The following F2R variants were observed in gnomAD, a reference collection of about 807,000 sequenced individuals.
The protein encoded by F2R is proteinase-activated receptor 1.
Under a neutral mutation model 18.3 loss-of-function variants are expected in F2R, and 12 were observed. The observed-to-expected ratio is 0.66, with a 90% confidence interval of 0.42 to 1.06. The LOEUF is 1.06. Ranked by LOEUF, F2R falls within the 50% of genes least tolerant of loss-of-function variation. The pLI is 0.00. For missense variants in F2R, 438 were observed against 530.8 expected (o/e 0.83, Z 1.72); for synonymous variants, 210 against 219.9 (o/e 0.95, Z 0.40).
At position 76,733,109 on chromosome 5, in the gene F2R, G is replaced by T; in HGVS notation, c.884G>T (p.Arg295Leu). The change falls in exon 2 of 2, where the codon CGA (arginine) becomes CTA (leucine). Residue 295 changes from arginine to leucine, a missense_variant. Arg to Leu is a moderately radical substitution (Grantham distance 102). Transcript: ENST00000319211. The stretch of plus-strand genomic sequence containing the variant: ...ACGGTCTGTTATGTGTCTATCATTC[G>T]ATGTCTTAGCTCTTCCGCAGTTGCC... ...ISTVCYVSIIRCLSSSAVANR... is the reference protein window; with the variant it reads ...ISTVCYVSIILCLSSSAVANR... 6.2e-7 allele frequency: 1 copy of T among 1,614,046 alleles called. No homozygotes were observed. Among genetic ancestry groups the T allele is most frequent in the Non-Finnish European group, 8.5e-7 (1 of 1,180,026 alleles).
chr5:76,716,729 C>T (rs759127622), intron 1 of F2R: 1 of 672,282 alleles, frequency 1.5e-6, no homozygotes, highest in Non-Finnish European at 2.7e-6. Flanking sequence ...AGGACCACCC[C>T]CAAAAAGAAA....
chr5:76,719,690 C>T (rs933216711), intron 1 of F2R, among the ~76,000 whole-genome samples: 1 of 152,148 alleles, frequency 6.6e-6, no homozygotes, highest in Non-Finnish European at 1.5e-5. Context: ...ATCTAGACTC[C>T]CAGCACCTCT....
chr5:76,728,219 A>G (rs1334577168), intron 1 of F2R, among the ~76,000 whole-genome samples: 1 of 152,198 alleles, frequency 6.6e-6, no homozygotes, highest in Non-Finnish European at 1.5e-5. Context: ...CTACTCTCTT[A>G]GCAATTGTCA....
Position 76,723,336 on chromosome 5 carries a change from G to T in F2R, c.88+6941G>T, listed in dbSNP as rs569026124. Among the ~76,000 whole-genome samples the T allele has an allele frequency of 4.6e-5, 7 of 152,334 alleles. No individual in the cohort carries two copies. In the South Asian group the frequency reaches 1.4e-3, roughly 32 times the overall value. On this transcript the variant is annotated intron_variant, in intron 1 of 1. Coordinates refer to ENST00000319211, the MANE Select transcript of F2R (RefSeq NM_001992.5). ...CATGAATCACAAGTTTTTAAGGAGA[G>T]AATAGCGTGGAGTGGTCAAAAGGTA...
chr5:76,720,519 T>G (rs1430861297), intron 1 of F2R, among the ~76,000 whole-genome samples: 1 of 151,974 alleles, frequency 6.6e-6, no homozygotes, highest in Non-Finnish European at 1.5e-5. Context: ...TGAGGTAGAA[T>G]TCACATAACA....
At chr5:76,717,377 A>G (rs1425298657) in intron 1 of F2R, among the ~76,000 whole-genome samples, 1 of 152,218 alleles carries the variant, frequency 6.6e-6, no homozygotes, top group Non-Finnish European at 1.5e-5. Flanking sequence ...ATAAGCTTTG[A>G]GCCATTTTTT....
intron 1 of F2R, among the ~76,000 whole-genome samples, chr5:76,717,424 T>C (rs1182973294): frequency 2.6e-5 from 4 of 152,198 alleles, no homozygotes; most frequent in Non-Finnish European, 5.9e-5. Flanking sequence ...TTTCTTGTTA[T>C]CGCTAAAAGA....
rs1383293540 is a variant in F2R, at chr5:76,734,201, A to T, written c.*698A>T. 6.6e-6 allele frequency: 1 copy of T among 152,408 alleles called. No homozygotes were observed. Among genetic ancestry groups the T allele is most frequent in the Non-Finnish European group, 1.5e-5 (1 of 68,086 alleles). The allele number at this position is 152,408 out of a possible 1,614,324, so 9.4% of individuals were successfully genotyped here. On this transcript the variant is annotated 3_prime_UTR_variant, in exon 2 of 2. Coordinates refer to ENST00000319211, the MANE Select transcript of F2R (RefSeq NM_001992.5). ...GTATTTTTTACATTTTACACACTGT[A>T]CACATAAGCCAAAACTGAGCATAAG...
Position 76,722,628 on chromosome 5 carries a change from G to C in F2R, c.88+6233G>C, listed in dbSNP as rs2227772. Among the ~76,000 whole-genome samples the C allele has an allele frequency of 2.4e-3, 369 of 152,258 alleles. 2 individuals are homozygous for C. Among genetic ancestry groups the C allele is most frequent in the African/African-American group, 8.3e-3 (346 of 41,536 alleles). On this transcript the variant is annotated intron_variant, in intron 1 of 1. Transcript: ENST00000319211. Reference sequence around the variant, plus strand: ...GGAGGAGAGGAGGCCTCTGATATTGGCAGCTTCTTCTGAACCCCAGTCAGT... The same window carrying C: ...GGAGGAGAGGAGGCCTCTGATATTGCCAGCTTCTTCTGAACCCCAGTCAGT...
intron 1 of F2R, among the ~76,000 whole-genome samples, chr5:76,727,364 A>G (rs1009419843): frequency 2.3e-4 from 35 of 152,256 alleles, no homozygotes; most frequent in Admixed American, 1.1e-3. Context: ...CAGAGTCAAT[A>G]TTAGAATACA....
At chr5:76,731,664 G>A (rs1338314250) in intron 1 of F2R, among the ~76,000 whole-genome samples, 3 of 151,984 alleles carry the variant, frequency 2.0e-5, no homozygotes, top group Non-Finnish European at 4.4e-5. Context: ...CAAGTAGCTG[G>A]GATTACAGGT....
intron 1 of F2R, among the ~76,000 whole-genome samples, chr5:76,727,749 T>C (rs1414425367): frequency 6.6e-6 from 1 of 151,954 alleles, no homozygotes; most frequent in African/African-American, 2.4e-5. Flanking sequence ...AGTTCATTTC[T>C]ATAAAATATT....
chr5:76,720,373 G>T (rs1177156824), intron 1 of F2R, among the ~76,000 whole-genome samples: 4 of 152,132 alleles, frequency 2.6e-5, no homozygotes, highest in Non-Finnish European at 4.4e-5. Context: ...GTTCAAGGTG[G>T]CAGTGAGCCA....
At chr5:76,719,295 G>A (rs1748403436) in intron 1 of F2R, among the ~76,000 whole-genome samples, 1 of 152,190 alleles carries the variant, frequency 6.6e-6, no homozygotes, top group Admixed American at 6.5e-5. Context: ...AGTTGAGAAA[G>A]AGGTGGAATT....
chr5:76,718,826 T>C (rs1738636469), intron 1 of F2R, among the ~76,000 whole-genome samples: 1 of 152,212 alleles, frequency 6.6e-6, no homozygotes, highest in African/African-American at 2.4e-5. Flanking sequence ...AGGGTTAAAG[T>C]GTTCAAGAAT....
chr5:76,732,285 T>C, intron 1 of F2R, 29 bp from the exon 2 acceptor site: 1 of 1,529,164 alleles, frequency 6.5e-7, no homozygotes, highest in Non-Finnish European at 8.8e-7. Context: ...ACTTTTTACA[T>C]TTAAAATTTT....
chr5:76,726,794 T>A (rs1308134554), intron 1 of F2R, among the ~76,000 whole-genome samples: 2 of 151,664 alleles, frequency 1.3e-5, no homozygotes, highest in Admixed American at 1.3e-4. Flanking sequence ...AAATTAAAAA[T>A]AAAAAAAAAT....
chr5:76,725,088 G>A (rs1036972194), intron 1 of F2R, among the ~76,000 whole-genome samples: 1 of 152,150 alleles, frequency 6.6e-6, no homozygotes, highest in East Asian at 1.9e-4. Context: ...CATGAGCCCC[G>A]AAGGGCAGAA....
chr5:76,726,824 T>C (rs896002178), intron 1 of F2R, among the ~76,000 whole-genome samples: 1 of 152,242 alleles, frequency 6.6e-6, no homozygotes, highest in African/African-American at 2.4e-5. Flanking sequence ...CCAGAAGCCA[T>C]TCATTCTTTT....
Sources: allele counts gnomAD v4.1 joint callset (sites outside exome capture counted in the v4.1 genomes callset), GRCh38; gene constraint gnomAD v4.1.1; transcripts MANE v1.5; gene names NCBI Gene and HGNC (gene_info 2026-07-23, HGNC 2026-07-21).